MAGI2: variants seen among roughly 807,000 people sequenced by gnomAD.
The protein encoded by MAGI2 is membrane associated guanylate kinase, WW and PDZ domain containing 2.
MAGI2 carries 35 observed loss-of-function variants against 133.3 expected under a neutral mutation model. The ratio of observed to expected loss-of-function variants is 0.26; its 90% CI spans 0.20 to 0.35. MAGI2 has a LOEUF of 0.35. MAGI2 is among the 10% of genes least tolerant of loss of function. MAGI2 has a pLI of 1.00. For missense variants in MAGI2, 1,636 were observed against 1,863.4 expected (o/e 0.88, Z 2.25); for synonymous variants, 729 against 710.6 (o/e 1.03, Z -0.41).
intron 10 of MAGI2, among the ~76,000 whole-genome samples, chr7:78,221,297 G>A (rs1034059443): frequency 1.6e-4 from 25 of 152,040 alleles, no homozygotes; most frequent in African/African-American, 5.1e-4. Context: ...GTTCTCTTCC[G>A]CCTGTTGTCC....
intron 5 of MAGI2, 60 bp from the exon 6 acceptor site, chr7:78,489,900 T>TTAA: frequency 4.2e-6 from 5 of 1,182,294 alleles, no homozygotes; most frequent in Non-Finnish European, 5.7e-6. Flanking sequence ...AGTTTATTCC[T>TTAA]TAAGAAAAAA....
intron 20 of MAGI2, among the ~76,000 whole-genome samples, chr7:78,087,688 T>G (rs1816783483): frequency 6.6e-6 from 1 of 152,202 alleles, no homozygotes; most frequent in African/African-American, 2.4e-5. Flanking sequence ...ATAGAAATTC[T>G]TTTAGGACAT....
chr7:78,116,172 C>T (rs1016942729), intron 20 of MAGI2, among the ~76,000 whole-genome samples: 4 of 152,046 alleles, frequency 2.6e-5, no homozygotes, highest in African/African-American at 9.7e-5. Context: ...AATCCCCATA[C>T]AGTCAGAAAT....
chr7:79,308,711 T>TGG (rs1838018728), intron 1 of MAGI2, among the ~76,000 whole-genome samples: 1 of 152,186 alleles, frequency 6.6e-6, no homozygotes, highest in Non-Finnish European at 1.5e-5. Flanking sequence ...AAGGACAATT[T>TGG]GAATTATTTC....
At chr7:78,563,986 A>G (rs145743788) in intron 3 of MAGI2, among the ~76,000 whole-genome samples, 1 of 152,138 alleles carries the variant, frequency 6.6e-6, no homozygotes, top group East Asian at 1.9e-4. Context: ...TTGAATAGGT[A>G]TTTTTTTTAA....
intron 2 of MAGI2, among the ~76,000 whole-genome samples, chr7:78,887,528 C>T (rs1468062338): frequency 6.6e-6 from 1 of 152,170 alleles, no homozygotes; most frequent in Non-Finnish European, 1.5e-5. Flanking sequence ...ATCTTTAACT[C>T]ATTTTGAAAA....
intron 10 of MAGI2, chr7:78,253,208 G>GT (rs1199828905): frequency 6.6e-6 from 1 of 152,070 alleles, no homozygotes; most frequent in African/African-American, 2.4e-5. Context: ...AAAATGGAGT[G>GT]TATCTGTACA....
At chr7:79,412,338 A>G (rs542964994) in intron 1 of MAGI2, 1 of 152,286 alleles carries the variant, frequency 6.6e-6, no homozygotes, top group Admixed American at 6.5e-5. Flanking sequence ...AATTAGAAAT[A>G]CAGCTTGAGA....
chr7:78,678,882 G>A lies in MAGI2; in HGVS notation c.419-51643C>T, dbSNP rs935106550. 4.6e-5 allele frequency among the ~76,000 whole-genome samples: 7 copies of A among 151,882 alleles called. No individual in the cohort carries two copies. In the South Asian group the frequency reaches 1.5e-3, roughly 32 times the overall value. On this transcript the variant is annotated intron_variant, in intron 2 of 21. Transcript: ENST00000354212. ...ATCTTTCTGAAATATAGAGAACATTGCAAAAAACAAAAAGAAAGTAACATT... is the reference window on the plus strand; with the variant it reads ...ATCTTTCTGAAATATAGAGAACATTACAAAAAACAAAAAGAAAGTAACATT...
At chr7:78,950,314 C>T (rs1205657496) in intron 2 of MAGI2, among the ~76,000 whole-genome samples, 1 of 152,138 alleles carries the variant, frequency 6.6e-6, no homozygotes, top group Non-Finnish European at 1.5e-5. Flanking sequence ...GAGTGTAGCT[C>T]TTAGATATTT....
chr7:78,871,839 T>C (rs1795053020), intron 2 of MAGI2, among the ~76,000 whole-genome samples: 1 of 151,890 alleles, frequency 6.6e-6, no homozygotes, highest in Non-Finnish European at 1.5e-5. Context: ...AAAAACTGAG[T>C]TCAGTTTAAG....
intron 1 of MAGI2, among the ~76,000 whole-genome samples, chr7:79,327,979 GA>G (rs1293485809): frequency 3.3e-5 from 5 of 152,172 alleles, no homozygotes; most frequent in African/African-American, 1.2e-4. Context: ...TAAATGGTAT[GA>G]AAATTTCAAT....
intron 2 of MAGI2, among the ~76,000 whole-genome samples, chr7:78,749,650 C>T (rs1487615199): frequency 2.0e-5 from 3 of 152,148 alleles, no homozygotes; most frequent in African/African-American, 7.2e-5. Context: ...TTGCAGAGGG[C>T]CTCAAATGCC....
At chr7:78,625,715 T>C (rs1167735643) in intron 3 of MAGI2, among the ~76,000 whole-genome samples, 1 of 152,160 alleles carries the variant, frequency 6.6e-6, no homozygotes, top group Non-Finnish European at 1.5e-5. Flanking sequence ...GTAAGCACCT[T>C]ATATAGCTAT....
Position 79,387,094 on chromosome 7 carries a change from T to TGTGTG in MAGI2, c.301+65925_301+65926insCACAC, listed in dbSNP as rs1844236781. On this transcript the variant is annotated intron_variant, in intron 1 of 21. Coordinates refer to ENST00000354212, the MANE Select transcript of MAGI2 (RefSeq NM_012301.4). ...AGAGATGGCTCACAAATTTTTATGC[T>TGTGTG]TGTGTGTGTGTGTGTGTGTGTGTGT... 1.6e-4 allele frequency among the ~76,000 whole-genome samples: 22 copies of TGTGTG among 141,588 alleles called. 1 individual carries two copies. The highest frequency in any genetic ancestry group is 5.1e-4 in the African/African-American group (19 of 37,452). 92.9% of individuals were successfully genotyped at this position (141,588 alleles called of 152,430 possible). A position where few individuals can be genotyped will look rare whatever the true frequency, so the allele number is the denominator to read the frequency against.
At chr7:78,745,822 ATCTTT>A (rs1225290503) in intron 2 of MAGI2, among the ~76,000 whole-genome samples, 1 of 152,194 alleles carries the variant, frequency 6.6e-6, no homozygotes, top group Non-Finnish European at 1.5e-5. Context: ...TATTCTAGGC[ATCTTT>A]TCTTTGAGTA....
In MAGI2 at chr7:78,194,905, G is replaced by A. The variant is rs368616547; in HGVS notation, c.2238C>T (p.Tyr746=). 7.5e-5 allele frequency: 121 copies of A among 1,609,388 alleles called. No homozygotes were observed. Among genetic ancestry groups the A allele is most frequent in the Middle Eastern group, 3.3e-4 (2 of 6,046 alleles). The change falls in exon 12 of 22, where the codon TAC becomes TAT. Residue 746 remains tyrosine, a synonymous_variant. Transcript: ENST00000354212. ...TTTCATAAATGGCCCTAGATTTCTC[G>A]TAGAGCTCATATGGATCAGGCTTCC... ...DPRKPDPYEL[Y]EKSRAIYESR... is the part of the protein sequence containing the mutation.
intron 1 of MAGI2, among the ~76,000 whole-genome samples, chr7:79,345,505 T>C (rs370166401): frequency 1.3e-5 from 2 of 152,074 alleles, no homozygotes; most frequent in African/African-American, 4.8e-5. Context: ...TACTAATGCA[T>C]GTATGAACAC....
intron 6 of MAGI2, among the ~76,000 whole-genome samples, chr7:78,463,666 T>C (rs1389811335): frequency 1.3e-5 from 2 of 151,576 alleles, no homozygotes; most frequent in Non-Finnish European, 1.5e-5. Flanking sequence ...CAAATGGAGG[T>C]GGTTTGATAT....
Sources: gnomAD v4.1 joint callset for allele counts (sites outside exome capture counted in the v4.1 genomes callset) on GRCh38, gnomAD v4.1.1 for gene constraint, MANE v1.5 for transcripts, NCBI Gene and HGNC (gene_info 2026-07-23, HGNC 2026-07-21) for gene names.